The following SYNDIG1 variants were observed in gnomAD, a reference collection of about 807,000 sequenced individuals.
SYNDIG1 encodes synapse differentiation-inducing gene protein 1.
In SYNDIG1, 9 loss-of-function variants were observed where a neutral mutation model predicts 19.4. The observed-to-expected ratio is 0.46, with a 90% CI of 0.28 to 0.81. The LOEUF is 0.81. Ranked by LOEUF, SYNDIG1 falls within the 30% of genes least tolerant of loss-of-function variation. The pLI is 0.12. For synonymous variants in SYNDIG1, 141 were observed against 145.9 expected (o/e 0.97, Z 0.24); for missense variants, 311 against 343.3 (o/e 0.91, Z 0.74).
intron 3 of SYNDIG1, among the ~76,000 whole-genome samples, chr20:24,657,749 T>C (rs1042281202): frequency 2.6e-5 from 4 of 152,200 alleles, no homozygotes; most frequent in Admixed American, 6.5e-5. Context: ...ATTAAGAATA[T>C]TGAGCCTGCC....
At chr20:24,613,539 C>T (rs1600744439) in intron 3 of SYNDIG1, among the ~76,000 whole-genome samples, 1 of 152,108 alleles carries the variant, frequency 6.6e-6, no homozygotes, top group Non-Finnish European at 1.5e-5. Flanking sequence ...CCCCAAGCCT[C>T]CTGTGTCCCC....
intron 3 of SYNDIG1, among the ~76,000 whole-genome samples, chr20:24,618,823 TC>T (rs11475496): frequency 0.16 from 24,499 of 152,084 alleles, 2,234 homozygotes; most frequent in African/African-American, 0.24. Flanking sequence ...CTTTTTCCTT[TC>T]TTTGTTTTTT....
At chr20:24,521,067 A>C (rs559143684) in intron 1 of SYNDIG1, among the ~76,000 whole-genome samples, 3 of 152,310 alleles carry the variant, frequency 2.0e-5, no homozygotes, top group African/African-American at 7.2e-5. Flanking sequence ...ATCATACAGT[A>C]TTTGACCTTT....
At chr20:24,487,683 C>T (rs1453733201) in intron 1 of SYNDIG1, among the ~76,000 whole-genome samples, 1 of 152,172 alleles carries the variant, frequency 6.6e-6, no homozygotes, top group Non-Finnish European at 1.5e-5. Flanking sequence ...GCTAATATTC[C>T]TTCCTTCTGG....
chr20:24,585,841 C>T (rs1168222756), intron 3 of SYNDIG1, among the ~76,000 whole-genome samples: 2 of 152,196 alleles, frequency 1.3e-5, no homozygotes, highest in African/African-American at 4.8e-5. Context: ...GCTGCGCACC[C>T]ATGGGGTGTT....
intron 1 of SYNDIG1, among the ~76,000 whole-genome samples, chr20:24,540,727 C>T (rs1285485436): frequency 1.3e-5 from 2 of 152,156 alleles, no homozygotes; most frequent in Non-Finnish European, 2.9e-5. Context: ...TTTTAACCCT[C>T]CTTGCATTCC....
At chr20:24,545,184 G>T (rs960700145) in intron 2 of SYNDIG1, among the ~76,000 whole-genome samples, 1 of 152,166 alleles carries the variant, frequency 6.6e-6, no homozygotes, top group Non-Finnish European at 1.5e-5. Flanking sequence ...GGAAACTTTG[G>T]TGCAACTCCA....
At chr20:24,524,029 A>G (rs1317256064) in intron 1 of SYNDIG1, among the ~76,000 whole-genome samples, 2 of 152,224 alleles carry the variant, frequency 1.3e-5, no homozygotes, top group Non-Finnish European at 2.9e-5. Context: ...ACTTATTCAG[A>G]CAGGCTGCTG....
rs149805307 is a variant in SYNDIG1, at chr20:24,603,888, T to C, written c.618+18895T>C. On this transcript the variant is annotated intron_variant, in intron 3 of 3. Coordinates refer to ENST00000376862, the MANE Select transcript of SYNDIG1 (RefSeq NM_024893.3). Reference sequence around the variant, plus strand: ...CTGAAAGAATGCCAGGGGAGTTCATTCTCCTCCACTCAACTGCCCCCAACC... The same window carrying C: ...CTGAAAGAATGCCAGGGGAGTTCATCCTCCTCCACTCAACTGCCCCCAACC... Among the ~76,000 whole-genome samples, 413 of 152,178 alleles carry C rather than the reference T, an allele frequency of 2.7e-3. 4 individuals are homozygous for C. Among genetic ancestry groups the C allele is most frequent in the Middle Eastern group, 0.017 (5 of 294 alleles).
intron 2 of SYNDIG1, among the ~76,000 whole-genome samples, chr20:24,559,751 A>G (rs1266487447): frequency 6.6e-6 from 1 of 152,110 alleles, no homozygotes; most frequent in African/African-American, 2.4e-5. Context: ...TGGATATCGA[A>G]TTCTCGTTTG....
intron 2 of SYNDIG1, among the ~76,000 whole-genome samples, chr20:24,575,495 C>G (rs970550884): frequency 2.0e-5 from 3 of 152,198 alleles, no homozygotes; most frequent in Non-Finnish European, 2.9e-5. Flanking sequence ...TCCTGACCTC[C>G]AAGGGCTGGA....
At chr20:24,530,669 G>C (rs951204601) in intron 1 of SYNDIG1, among the ~76,000 whole-genome samples, 1 of 152,128 alleles carries the variant, frequency 6.6e-6, no homozygotes, top group East Asian at 1.9e-4. Context: ...AGCACCTGGT[G>C]CCCTCCTAAT....
At chr20:24,606,205 G>A (rs2058755037) in intron 3 of SYNDIG1, among the ~76,000 whole-genome samples, 1 of 152,262 alleles carries the variant, frequency 6.6e-6, no homozygotes, top group African/African-American at 2.4e-5. Flanking sequence ...GAACAGGCAT[G>A]TGGGCAGTCA....
chr20:24,500,689 C>T (rs1227187044), intron 1 of SYNDIG1, among the ~76,000 whole-genome samples: 2 of 152,210 alleles, frequency 1.3e-5, no homozygotes, highest in Admixed American at 6.5e-5. Flanking sequence ...TAGACTTGAC[C>T]TCACGTCTGG....
At chr20:24,503,949 A>C (rs1272972138) in intron 1 of SYNDIG1, among the ~76,000 whole-genome samples, 1 of 146,418 alleles carries the variant, frequency 6.8e-6, no homozygotes, top group Non-Finnish European at 1.5e-5. Flanking sequence ...GGATCCAGGG[A>C]GAGCAGGTTT....
At chr20:24,484,460 A>T (rs1391434484) in intron 1 of SYNDIG1, among the ~76,000 whole-genome samples, 1 of 152,126 alleles carries the variant, frequency 6.6e-6, no homozygotes, top group Non-Finnish European at 1.5e-5. Context: ...GGTTGCGTGA[A>T]CTTTTCTGAC....
At chr20:24,653,710 G>A (rs1212834685) in intron 3 of SYNDIG1, among the ~76,000 whole-genome samples, 1 of 152,212 alleles carries the variant, frequency 6.6e-6, no homozygotes, top group Non-Finnish European at 1.5e-5. Flanking sequence ...CAAAATGCCA[G>A]ACTGAGTGAC....
At chr20:24,579,527 C>T (rs1168763289) in intron 2 of SYNDIG1, among the ~76,000 whole-genome samples, 3 of 152,168 alleles carry the variant, frequency 2.0e-5, no homozygotes, top group Admixed American at 6.5e-5. Flanking sequence ...ATACAACGAA[C>T]GGCACAGTCC....
At chr20:24,484,894 T>A (rs546030775) in intron 1 of SYNDIG1, among the ~76,000 whole-genome samples, 4 of 152,192 alleles carry the variant, frequency 2.6e-5, no homozygotes, top group African/African-American at 9.6e-5. Context: ...TGGGGCCTAG[T>A]GGGAGGGGTT....
Sources: allele counts gnomAD v4.1 joint callset (sites outside exome capture counted in the v4.1 genomes callset), GRCh38; gene constraint gnomAD v4.1.1; transcripts MANE v1.5; gene names NCBI Gene and HGNC (gene_info 2026-07-23, HGNC 2026-07-21).